The following SV2C variants were observed in gnomAD, a reference collection of about 807,000 sequenced individuals.
SV2C encodes the protein solute carrier family 22 member B3.
A neutral mutation model predicts 79.7 loss-of-function variants in SV2C; 49 were observed. The ratio of observed to expected loss-of-function variants is 0.61; its 90% CI spans 0.49 to 0.78. The LOEUF (loss-of-function observed/expected upper bound fraction) is 0.78. Ranked by LOEUF, SV2C falls within the 30% of genes least tolerant of loss-of-function variation. The probability of loss-of-function intolerance (pLI) is 0.00; values close to 1 mark genes in which losing one functional copy is unlikely to be tolerated. For missense variants in SV2C, 833 were observed against 912.9 expected, an observed-to-expected ratio of 0.91 and a Z score of 1.13; for synonymous variants, 334 against 333.2, an observed-to-expected ratio of 1.00 and a Z score of -0.03.
chr5:76,189,630 G>C (rs180671865), intron 2 of SV2C, among the ~76,000 whole-genome samples: 17 of 152,306 alleles, frequency 1.1e-4, no homozygotes, highest in African/African-American at 3.8e-4. Context: ...TTTGGATGCA[G>C]AGTGAGAGAT....
chr5:75,930,310 A>C, the SV2C span, among the ~76,000 whole-genome samples: 1 of 152,236 alleles, frequency 6.6e-6, no homozygotes, highest in South Asian at 2.1e-4. Flanking sequence ...ATGCTTCCTC[A>C]TATTATTCTG....
At chr5:75,866,696 T>C in the SV2C span, among the ~76,000 whole-genome samples, 1 of 152,084 alleles carries the variant, frequency 6.6e-6, no homozygotes, top group African/African-American at 2.4e-5. Context: ...GTGAATAACT[T>C]TGAGAGAGAA....
chr5:75,894,249 A>T, the SV2C span, among the ~76,000 whole-genome samples: 5 of 152,068 alleles, frequency 3.3e-5, no homozygotes, highest in South Asian at 2.1e-4. Flanking sequence ...CTTTATAAAA[A>T]CAATTAGAAC....
chr5:76,135,956 G>A (rs1159488170), intron 2 of SV2C, among the ~76,000 whole-genome samples: 1 of 152,188 alleles, frequency 6.6e-6, no homozygotes, highest in African/African-American at 2.4e-5. Flanking sequence ...CCTTGCATCA[G>A]AGGGGCTGGC....
chr5:76,040,081 C>A, the SV2C span, among the ~76,000 whole-genome samples: 19 of 152,206 alleles, frequency 1.2e-4, no homozygotes, highest in African/African-American at 4.1e-4. Context: ...TTATATATAT[C>A]TCCTTGCTTC....
intron 12 of SV2C, among the ~76,000 whole-genome samples, chr5:76,339,795 AT>A (rs1466849715): frequency 6.6e-6 from 1 of 152,126 alleles, no homozygotes; most frequent in Non-Finnish European, 1.5e-5. Flanking sequence ...CACAGGCCAC[AT>A]TCAGTTTTGT....
chr5:75,898,516 G>T, the SV2C span, among the ~76,000 whole-genome samples: 1 of 152,142 alleles, frequency 6.6e-6, no homozygotes, highest in Non-Finnish European at 1.5e-5. Flanking sequence ...CAAGGATATT[G>T]GTCTAAAATT....
the SV2C span, among the ~76,000 whole-genome samples, chr5:75,867,365 T>C: frequency 1.0e-3 from 153 of 152,242 alleles, 1 homozygote; most frequent in African/African-American, 3.4e-3. Context: ...AAGGGCTGGC[T>C]GGGACAGAGG....
chr5:76,297,838 T>C (rs1216867040), intron 9 of SV2C, among the ~76,000 whole-genome samples: 2 of 152,200 alleles, frequency 1.3e-5, no homozygotes, highest in African/African-American at 4.8e-5. Context: ...TCAGTCCCTT[T>C]CTGCCCCTAA....
intron 1 of SV2C, among the ~76,000 whole-genome samples, chr5:76,092,228 A>C (rs1338009931): frequency 1.3e-5 from 2 of 152,190 alleles, no homozygotes; most frequent in African/African-American, 2.4e-5. Flanking sequence ...GAATTGTTTG[A>C]GTTTTCAACA....
At chr5:75,905,763 T>C in the SV2C span, among the ~76,000 whole-genome samples, 1 of 151,910 alleles carries the variant, frequency 6.6e-6, no homozygotes, top group Admixed American at 6.6e-5. Context: ...TTTCTTTTCT[T>C]AAAAATGCTT....
chr5:75,853,606 T>A, the SV2C span, among the ~76,000 whole-genome samples: 2 of 9,772 alleles, frequency 2.0e-4, no homozygotes, highest in Non-Finnish European at 3.7e-4. Context: ...AGACTCCGTC[T>A]CAAAAAAAAA....
chr5:75,921,611 T>C, the SV2C span: 3 of 959,274 alleles, frequency 3.1e-6, no homozygotes, highest in Non-Finnish European at 5.0e-6. Flanking sequence ...AATTGTGTTC[T>C]TCTCCCCCTT....
chr5:76,138,962 C>A (rs1436331427), intron 2 of SV2C, among the ~76,000 whole-genome samples: 2 of 151,804 alleles, frequency 1.3e-5, no homozygotes, highest in Non-Finnish European at 2.9e-5. Flanking sequence ...ACTAAAAATC[C>A]AAAAAAATTA....
the SV2C span, among the ~76,000 whole-genome samples, chr5:76,024,186 T>C: frequency 1.3e-5 from 2 of 151,568 alleles, no homozygotes; most frequent in Admixed American, 6.6e-5. Context: ...ATTACCAAAA[T>C]GAGATTTCTG....
intron 12 of SV2C, among the ~76,000 whole-genome samples, chr5:76,308,243 C>T (rs994606530): frequency 6.6e-6 from 1 of 152,158 alleles, no homozygotes; most frequent in Non-Finnish European, 1.5e-5. Context: ...TCCAGGTACT[C>T]CACTTAAGCT....
chr5:76,318,518 A>G (rs1202902978), intron 12 of SV2C, among the ~76,000 whole-genome samples: 1 of 152,170 alleles, frequency 6.6e-6, no homozygotes, highest in Non-Finnish European at 1.5e-5. Context: ...ATCCAGCTGC[A>G]GAGGTGGCCA....
At chr5:76,107,615 G>A (rs1413348322) in intron 1 of SV2C, among the ~76,000 whole-genome samples, 1 of 152,186 alleles carries the variant, frequency 6.6e-6, no homozygotes, top group African/African-American at 2.4e-5. Context: ...TGTAATCCTA[G>A]CAGTTTGGGA....
At chr5:76,171,545 A>C (rs1169693222) in intron 2 of SV2C, among the ~76,000 whole-genome samples, 1 of 131,508 alleles carries the variant, frequency 7.6e-6, no homozygotes, top group Admixed American at 7.3e-5. Flanking sequence ...TCCGCCCGGC[A>C]GCCACCCCAT....
Sources: allele counts gnomAD v4.1 joint callset (sites outside exome capture counted in the v4.1 genomes callset), GRCh38; gene constraint gnomAD v4.1.1; transcripts MANE v1.5; gene names NCBI Gene and HGNC (gene_info 2026-07-23, HGNC 2026-07-21).